Variants in ZNRF1 observed in about 807,000 individuals in gnomAD.
ZNRF1 encodes the protein E3 ubiquitin-protein ligase ZNRF1.
Under a neutral mutation model 18.4 loss-of-function variants are expected in ZNRF1, and 3 were observed. The ratio of observed to expected loss-of-function variants is 0.16; its 90% CI spans 0.07 to 0.42. The LOEUF is 0.42. Ranked by LOEUF, ZNRF1 falls within the 10% of genes least tolerant of loss-of-function variation. The probability of loss-of-function intolerance (pLI) is 0.99; values close to 1 mark genes in which losing one functional copy is unlikely to be tolerated. For missense variants in ZNRF1, 310 were observed against 329.8 expected (o/e 0.94, Z 0.47); for synonymous variants, 157 against 144.2 (o/e 1.09, Z -0.64).
At position 75,104,002 on chromosome 16, in the gene ZNRF1, TG is replaced by T. The variant is rs35216998; in HGVS notation, c.521-774del. The T allele has an allele frequency of 4.0e-5, 6 of 149,938 alleles. No individual in the cohort carries two copies. The East Asian group carries it at 5.9e-4, about 15-fold the overall frequency. 9.3% of individuals were successfully genotyped at this position (149,938 alleles called of 1,614,324 possible). A position where few individuals can be genotyped will look rare whatever the true frequency, so the allele number is the denominator to read the frequency against. ...TCCATCTCAAATAAAAGCGGGGTGGTGGGGGGGGAGAAAACCCCCTACCCAT... is the reference window on the plus strand; with the variant it reads ...TCCATCTCAAATAAAAGCGGGGTGGTGGGGGGGAGAAAACCCCCTACCCAT... On this transcript the variant is annotated intron_variant, in intron 2 of 4. Transcript: ENST00000335325.
In ZNRF1 at chr16:75,083,005, C is replaced by A. The variant is rs565935582; in HGVS notation, c.425-10567C>A. ...ATCGAGATGTGCTATATAATCACAT[C>A]TTAAAATTATAAATATCTGTGGAAT... On this transcript the variant is annotated intron_variant, in intron 1 of 4. Transcript: ENST00000335325. Among the ~76,000 whole-genome samples, 7 of 152,298 alleles carry A rather than the reference C, an allele frequency of 4.6e-5. No homozygotes were observed. The East Asian group carries it at 1.3e-3, about 29-fold the overall frequency.
chr16:75,068,595 C>G (rs1037346596), intron 1 of ZNRF1, among the ~76,000 whole-genome samples: 4 of 152,248 alleles, frequency 2.6e-5, no homozygotes, highest in African/African-American at 7.2e-5. Flanking sequence ...ACCCAGTGAT[C>G]CTGCTATATA....
intron 1 of ZNRF1, among the ~76,000 whole-genome samples, chr16:75,082,609 A>G (rs2036026230): frequency 6.6e-6 from 1 of 152,076 alleles, no homozygotes; most frequent in Non-Finnish European, 1.5e-5. Context: ...GTTGGAGTAC[A>G]ATGGCCCAAT....
At chr16:75,004,419 A>G (rs564680086) in intron 1 of ZNRF1, among the ~76,000 whole-genome samples, 1 of 152,126 alleles carries the variant, frequency 6.6e-6, no homozygotes, top group South Asian at 2.1e-4. Context: ...GGTACAAAAC[A>G]TGCACCATCC....
At chr16:75,081,389 C>T (rs2145411279) in intron 1 of ZNRF1, among the ~76,000 whole-genome samples, 1 of 152,338 alleles carries the variant, frequency 6.6e-6, no homozygotes, top group East Asian at 1.9e-4. Flanking sequence ...GCTTTATAGA[C>T]AGCCCACAAA....
intron 1 of ZNRF1, among the ~76,000 whole-genome samples, chr16:75,050,221 G>A (rs553666296): frequency 6.6e-6 from 1 of 151,986 alleles, no homozygotes; most frequent in Non-Finnish European, 1.5e-5. Flanking sequence ...TAATCCATCC[G>A]AGGACCTTTT....
At chr16:75,000,761 T>C (rs2034838089) in intron 1 of ZNRF1, among the ~76,000 whole-genome samples, 1 of 152,184 alleles carries the variant, frequency 6.6e-6, no homozygotes, top group Non-Finnish European at 1.5e-5. Flanking sequence ...CAGGCTTGGC[T>C]CCGCGACTCT....
rs538461356 is a variant in ZNRF1 at position 74,999,433 on chromosome 16, G to T, written c.-239G>T. On this transcript the variant is annotated 5_prime_UTR_variant, in exon 1 of 5. Transcript: ENST00000335325. ...ACTGCGCCTCTTTGGACCTTGAGGGGAAACATGCGTTTGCCTTGGATCGTT... is the reference window on the plus strand; with the variant it reads ...ACTGCGCCTCTTTGGACCTTGAGGGTAAACATGCGTTTGCCTTGGATCGTT... 9.3e-4 allele frequency: 350 copies of T among 377,178 alleles called. 2 individuals are homozygous for T. Among genetic ancestry groups the T allele is most frequent in the Non-Finnish European group, 1.4e-4 (30 of 213,134 alleles). 23.4% of individuals were successfully genotyped at this position (377,178 alleles called of 1,614,324 possible). A position where few individuals can be genotyped will look rare whatever the true frequency, so the allele number is the denominator to read the frequency against.
At position 75,009,644 on chromosome 16, in the gene ZNRF1, A is replaced by G. The variant is rs375518538; in HGVS notation, c.424+9549A>G. Among the ~76,000 whole-genome samples the G allele has an allele frequency of 1.5e-4, 23 of 152,270 alleles. 2 individuals carry two copies. The highest frequency in any genetic ancestry group is 1.0e-3 in the South Asian group (5 of 4,830). ...AGACCCTGCTTTCACTCCTTTTGAG[A>G]ATATACCCAGAAGTGGAATTGCTCC... On this transcript the variant is annotated intron_variant, in intron 1 of 4. Coordinates refer to ENST00000335325, the MANE Select transcript of ZNRF1 (RefSeq NM_032268.5).
In ZNRF1 at chr16:74,999,800, C is replaced by A; in HGVS notation, c.129C>A (p.Ala43=). The A allele has an allele frequency of 3.5e-6, 5 of 1,431,162 alleles. No homozygotes were observed. Among genetic ancestry groups the A allele is most frequent in the Non-Finnish European group, 4.6e-6 (5 of 1,098,818 alleles). 88.7% of individuals were successfully genotyped at this position (1,431,162 alleles called of 1,614,324 possible). A position where few individuals can be genotyped will look rare whatever the true frequency, so the allele number is the denominator to read the frequency against. The change falls in exon 1 of 5, where the codon GCC becomes GCA. Residue 43 remains alanine (A), a synonymous_variant. Coordinates refer to ENST00000335325, the MANE Select transcript of ZNRF1 (RefSeq NM_032268.5). The stretch of plus-strand genomic sequence containing the variant: ...GGCACTACCGGACGGGCGGCGGGGC[C>A]ATGGGGCTGCGCAGCCGCTCGGTCA... ...HFGHYRTGGG[A]MGLRSRSVSS... is the part of the protein sequence containing the mutation.
chr16:75,074,006 C>G (rs911721216), intron 1 of ZNRF1, among the ~76,000 whole-genome samples: 1 of 152,084 alleles, frequency 6.6e-6, no homozygotes, highest in Non-Finnish European at 1.5e-5. Flanking sequence ...TAGAATCTTG[C>G]AGTGCTACCA....
At chr16:75,068,497 A>G (rs964090833) in intron 1 of ZNRF1, among the ~76,000 whole-genome samples, 1 of 152,144 alleles carries the variant, frequency 6.6e-6, no homozygotes, top group Non-Finnish European at 1.5e-5. Context: ...ACTCTGATCC[A>G]TATCTACTGC....
chr16:74,999,708 G>C lies in ZNRF1; in HGVS notation c.37G>C (p.Gly13Arg). 1 of 1,363,782 alleles carries C rather than the reference G, an allele frequency of 7.3e-7. No homozygotes were observed. The highest frequency in any genetic ancestry group is 9.4e-7 in the Non-Finnish European group (1 of 1,064,554). 84.5% of individuals were successfully genotyped at this position (1,363,782 alleles called of 1,614,324 possible). A position where few individuals can be genotyped will look rare whatever the true frequency, so the allele number is the denominator to read the frequency against. Residue 13 changes from glycine to arginine, a missense_variant, in exon 1 of 5, where the codon GGC becomes CGC. Physicochemically the swap from Gly to Arg is moderately radical, Grantham distance 125. Transcript: ENST00000335325. ...GCAGAGCACGGCGGCCCGCTCCCGGGGCCCCTTCCCGGGGGTCTCCACCGA... is the reference window on the plus strand; with the variant it reads ...GCAGAGCACGGCGGCCCGCTCCCGGCGCCCCTTCCCGGGGGTCTCCACCGA... ...GKQSTAARSRGPFPGVSTDDS... is the reference protein window; with the variant it reads ...GKQSTAARSRRPFPGVSTDDS...
intron 1 of ZNRF1, among the ~76,000 whole-genome samples, chr16:75,026,602 A>AAT (rs1288666859): frequency 1.3e-5 from 2 of 152,220 alleles, no homozygotes; most frequent in African/African-American, 4.8e-5. Context: ...TTATTAAAAA[A>AAT]ATATATACAA....
chr16:75,047,797 G>A (rs577088260), intron 1 of ZNRF1, among the ~76,000 whole-genome samples: 1 of 152,278 alleles, frequency 6.6e-6, no homozygotes, highest in African/African-American at 2.4e-5. Flanking sequence ...CAACAGAAAT[G>A]TATTTTCTCA....
chr16:75,057,754 G>T (rs1466520195), intron 1 of ZNRF1, among the ~76,000 whole-genome samples: 3 of 152,180 alleles, frequency 2.0e-5, no homozygotes, highest in African/African-American at 7.2e-5. Context: ...TCTTGCCTCA[G>T]CCTCCTGAGT....
At chr16:75,015,543 C>T (rs970449602) in intron 1 of ZNRF1, among the ~76,000 whole-genome samples, 1 of 152,146 alleles carries the variant, frequency 6.6e-6, no homozygotes, top group Non-Finnish European at 1.5e-5. Flanking sequence ...CCATTGCACT[C>T]CAGCCTGGGC....
chr16:75,015,541 C>T (rs2035054613), intron 1 of ZNRF1, among the ~76,000 whole-genome samples: 1 of 152,204 alleles, frequency 6.6e-6, no homozygotes, highest in Admixed American at 6.5e-5. Context: ...CACCATTGCA[C>T]TCCAGCCTGG....
intron 1 of ZNRF1, among the ~76,000 whole-genome samples, chr16:75,040,447 G>A (rs575748702): frequency 3.3e-5 from 5 of 151,748 alleles, no homozygotes; most frequent in East Asian, 1.9e-4. Context: ...TCCTATGCCT[G>A]TTTTTAGTCA....
Sources: allele counts gnomAD v4.1 joint callset (sites outside exome capture counted in the v4.1 genomes callset), GRCh38; gene constraint gnomAD v4.1.1; transcripts MANE v1.5; gene names NCBI Gene and HGNC (gene_info 2026-07-23, HGNC 2026-07-21).